Variants in ZNF385B observed in about 807,000 individuals in gnomAD.
ZNF385B encodes zinc finger protein 385B.
A neutral mutation model predicts 39.2 loss-of-function variants in ZNF385B; 23 were observed. The ratio of observed to expected loss-of-function variants is 0.59; its 90% CI spans 0.42 to 0.83. The LOEUF (loss-of-function observed/expected upper bound fraction) is 0.83, where lower values mean the gene tolerates loss of function less well. Among genes scored for constraint, ZNF385B ranks in the 40% least tolerant of loss-of-function variants. The pLI is 0.00. For missense variants in ZNF385B, 552 were observed against 598.9 expected (o/e 0.92, Z 0.82); for synonymous variants, 205 against 222.6 (o/e 0.92, Z 0.70).
intron 3 of ZNF385B, among the ~76,000 whole-genome samples, chr2:179,759,494 T>C (rs1424251100): frequency 6.6e-6 from 1 of 152,196 alleles, no homozygotes; most frequent in Non-Finnish European, 1.5e-5. Flanking sequence ...CTTTCTACCT[T>C]TGCAAAGGGA....
At chr2:179,590,303 C>T (rs367767965) in intron 3 of ZNF385B, among the ~76,000 whole-genome samples, 6 of 152,088 alleles carry the variant, frequency 3.9e-5, no homozygotes, top group East Asian at 1.9e-4. Flanking sequence ...TTGTAAGAGA[C>T]GGGTTATGTT....
rs559018005 is a variant in ZNF385B, at chr2:179,775,429, T to C, written c.-154-4757A>G. 5.3e-5 allele frequency among the ~76,000 whole-genome samples: 8 copies of C among 152,344 alleles called. No individual in the cohort carries two copies. The East Asian group carries it at 1.5e-3, about 29-fold the overall frequency. The stretch of plus-strand genomic sequence containing the variant: ...ACTCTCTGCATAACAGTCCCCAAAA[T>C]ACTTTGAACTTCTTACATTGGAATG... On this transcript the variant is annotated intron_variant, in intron 1 of 9. Transcript: ENST00000410066.
intron 3 of ZNF385B, among the ~76,000 whole-genome samples, chr2:179,613,364 T>C (rs1689453119): frequency 6.6e-6 from 1 of 152,134 alleles, no homozygotes; most frequent in African/African-American, 2.4e-5. Context: ...CAGCACATCT[T>C]TGAGTCTCAC....
intron 5 of ZNF385B, among the ~76,000 whole-genome samples, chr2:179,512,764 T>C (rs1050258437): frequency 1.3e-5 from 2 of 152,184 alleles, no homozygotes; most frequent in African/African-American, 4.8e-5. Flanking sequence ...TGGGACTCAG[T>C]TGGAAAGCAT....
chr2:179,688,104 T>C (rs1698065512), intron 3 of ZNF385B, among the ~76,000 whole-genome samples: 1 of 152,152 alleles, frequency 6.6e-6, no homozygotes, highest in Non-Finnish European at 1.5e-5. Context: ...AGGAGGGTTT[T>C]GTTGCCTGGC....
chr2:179,740,735 C>T (rs1157316321), intron 3 of ZNF385B, among the ~76,000 whole-genome samples: 1 of 152,026 alleles, frequency 6.6e-6, no homozygotes, highest in Non-Finnish European at 1.5e-5. Flanking sequence ...GAATCTTTTC[C>T]TAAAGAGCAT....
At position 179,694,864 on chromosome 2, in the gene ZNF385B, AGGT is replaced by A. The variant is rs1698604888; in HGVS notation, c.298+74636_298+74638del. ...AGAATCTCTTGAACCTGGGAGGTGG[AGGT>A]TGCAGTGAGCCGAGATTGCACCACT... On this transcript the variant is annotated intron_variant, in intron 3 of 9. Coordinates refer to ENST00000410066, the MANE Select transcript of ZNF385B (RefSeq NM_152520.6). 2.0e-5 allele frequency among the ~76,000 whole-genome samples: 3 copies of A among 152,138 alleles called. 1 individual carries two copies. The South Asian group carries it at 6.2e-4, about 32-fold the overall frequency.
At chr2:179,822,096 T>C (rs758643813) in intron 1 of ZNF385B, among the ~76,000 whole-genome samples, 20 of 152,160 alleles carry the variant, frequency 1.3e-4, no homozygotes, top group Non-Finnish European at 2.5e-4. Context: ...TTCTTGTTTC[T>C]CCATGAAAAA....
intron 1 of ZNF385B, among the ~76,000 whole-genome samples, chr2:179,849,234 C>T (rs992161064): frequency 2.6e-5 from 4 of 151,966 alleles, no homozygotes; most frequent in African/African-American, 7.3e-5. Context: ...ACCATGCAAA[C>T]GAAAAGGACA....
chr2:179,673,054 GT>G (rs1278225323), intron 3 of ZNF385B, among the ~76,000 whole-genome samples: 6 of 152,172 alleles, frequency 3.9e-5, no homozygotes, highest in Admixed American at 6.5e-5. Context: ...AAAGCCGTCT[GT>G]TTTGGTTAGA....
rs916221423 is a variant in ZNF385B, at chr2:179,552,571, C to T, written c.299-7602G>A. Among the ~76,000 whole-genome samples the T allele has an allele frequency of 1.0e-4, 15 of 149,174 alleles. 2 individuals carry two copies. The highest frequency in any genetic ancestry group is 3.5e-4 in the African/African-American group (14 of 39,658). The stretch of plus-strand genomic sequence containing the variant: ...TCTGCCATACTCAGTTTTCTTTTTT[C>T]ATTGCTTTCCCAGCTTTGTTACACC... On this transcript the variant is annotated intron_variant, in intron 3 of 9. Coordinates refer to ENST00000410066, the MANE Select transcript of ZNF385B (RefSeq NM_152520.6).
intron 6 of ZNF385B, among the ~76,000 whole-genome samples, chr2:179,481,981 A>T (rs2054052810): frequency 6.6e-6 from 1 of 152,242 alleles, no homozygotes; most frequent in Non-Finnish European, 1.5e-5. Flanking sequence ...AGAGGGAGAC[A>T]TACTATGTAA....
At chr2:179,831,566 AATAC>A (rs1267799204) in intron 1 of ZNF385B, among the ~76,000 whole-genome samples, 2 of 152,194 alleles carry the variant, frequency 1.3e-5, no homozygotes, top group African/African-American at 2.4e-5. Context: ...TATCTTTAGA[AATAC>A]ATACACTTGG....
intron 3 of ZNF385B, among the ~76,000 whole-genome samples, chr2:179,688,017 G>A (rs1247222875): frequency 6.6e-6 from 1 of 152,134 alleles, no homozygotes; most frequent in African/African-American, 2.4e-5. Flanking sequence ...GAACATTAGG[G>A]TGGTCTTTCT....
At position 179,768,261 on chromosome 2, in the gene ZNF385B, T is replaced by C. The variant is rs536604005; in HGVS notation, c.298+1242A>G. Among the ~76,000 whole-genome samples the C allele has an allele frequency of 7.2e-5, 11 of 152,246 alleles. No homozygotes were observed. In the South Asian group the frequency reaches 2.3e-3, roughly 32 times the overall value. Reference sequence around the variant, plus strand: ...CACTGCGCCCGGCCATAACATTAACTATATTTTTAATATATAACTATAGGT... The same window carrying C: ...CACTGCGCCCGGCCATAACATTAACCATATTTTTAATATATAACTATAGGT... On this transcript the variant is annotated intron_variant, in intron 3 of 9. Transcript: ENST00000410066.
chr2:179,730,172 C>A (rs1333733829), intron 3 of ZNF385B, among the ~76,000 whole-genome samples: 1 of 152,174 alleles, frequency 6.6e-6, no homozygotes, highest in Non-Finnish European at 1.5e-5. Flanking sequence ...CTTAGAGTGA[C>A]CACACATTCC....
intron 1 of ZNF385B, among the ~76,000 whole-genome samples, chr2:179,799,560 A>G (rs1705899673): frequency 6.6e-6 from 1 of 152,050 alleles, no homozygotes; most frequent in Non-Finnish European, 1.5e-5. Flanking sequence ...ATTAAAATGG[A>G]AAAACTCGTA....
At chr2:179,678,425 AC>A (rs1314181074) in intron 3 of ZNF385B, among the ~76,000 whole-genome samples, 1 of 152,184 alleles carries the variant, frequency 6.6e-6, no homozygotes, top group Admixed American at 6.5e-5. Flanking sequence ...ACTTCTAGGT[AC>A]TATATTTCCT....
At chr2:179,767,939 A>G (rs1575454388) in intron 3 of ZNF385B, among the ~76,000 whole-genome samples, 2 of 148,190 alleles carry the variant, frequency 1.3e-5, no homozygotes, top group Middle Eastern at 7.1e-3. Flanking sequence ...ATATAATATT[A>G]TATATTTTAT....
Sources: allele counts gnomAD v4.1 joint callset (sites outside exome capture counted in the v4.1 genomes callset), GRCh38; gene constraint gnomAD v4.1.1; transcripts MANE v1.5; gene names NCBI Gene and HGNC (gene_info 2026-07-23, HGNC 2026-07-21).